PIEZO1: variants seen among roughly 807,000 people sequenced by gnomAD.
PIEZO1 encodes the protein piezo-type mechanosensitive ion channel component 1.
In PIEZO1, 296 loss-of-function variants were observed where a neutral mutation model predicts 297.2. The observed-to-expected ratio is 1.00, with a 90% CI of 0.91 to 1.10. The LOEUF (loss-of-function observed/expected upper bound fraction) is 1.10, where lower values mean the gene tolerates loss of function less well. Among genes scored for constraint, PIEZO1 ranks in the 50% least tolerant of loss-of-function variants. The pLI, the probability that PIEZO1 is intolerant of heterozygous loss-of-function variation, is 0.00. For missense variants in PIEZO1, 5,018 were observed against 3,455.5 expected (o/e 1.45, Z -11.34); for synonymous variants, 2,427 against 1,507.5 (o/e 1.61, Z -14.13).
intron 19 of PIEZO1, chr16:88,733,062 C>G (rs1423884705): frequency 1.7e-5 from 10 of 592,568 alleles, no homozygotes; most frequent in Non-Finnish European, 3.0e-5. Flanking sequence ...GGACTCCGCC[C>G]CTACTGGACA....
At chr16:88,762,126 G>A (rs910853676) in intron 1 of PIEZO1, among the ~76,000 whole-genome samples, 4 of 152,184 alleles carry the variant, frequency 2.6e-5, no homozygotes, top group Admixed American at 1.3e-4. Flanking sequence ...TGACGGAGCC[G>A]ACCCTATGCC....
intron 1 of PIEZO1, among the ~76,000 whole-genome samples, chr16:88,780,070 G>T (rs747318553): frequency 6.6e-6 from 1 of 152,128 alleles, no homozygotes; most frequent in Non-Finnish European, 1.5e-5. Flanking sequence ...TTCAGAGCAA[G>T]ATAGGGTCGG....
Position 88,719,571 on chromosome 16 carries a change from C to T in PIEZO1, c.6471+3G>A, listed in dbSNP as rs771317251. On this transcript the variant is annotated splice_donor_region_variant and intron_variant, in intron 44 of 50. Transcript: ENST00000301015. ...TCCCGGCCCCCGCCCTGGGCCCAGG[C>T]ACCTTCTCTGTCTCTCGGCTGCATT... is the stretch of plus-strand genomic sequence containing the variant. 129 of 1,550,290 alleles carry T rather than the reference C, an allele frequency of 8.3e-5. No homozygotes were observed. Among genetic ancestry groups the T allele is most frequent in the Middle Eastern group, 3.3e-4 (2 of 6,010 alleles).
intron 1 of PIEZO1, among the ~76,000 whole-genome samples, chr16:88,752,252 G>A (rs545642668): frequency 1.3e-5 from 2 of 152,304 alleles, no homozygotes; most frequent in African/African-American, 4.8e-5. Flanking sequence ...GGAGGCCAAG[G>A]CAGGCGGATC....
Position 88,725,021 on chromosome 16 carries a change from C to T in PIEZO1, c.4222G>A (p.Asp1408Asn). 1.3e-6 allele frequency: 2 copies of T among 1,489,534 alleles called. No homozygotes were observed. The highest frequency in any genetic ancestry group is 2.6e-5 in the Admixed American group (1 of 38,970). The allele number at this position is 1,489,534 out of a possible 1,614,324, so 92.3% of individuals were successfully genotyped here. A position where few individuals can be genotyped will look rare whatever the true frequency, so the allele number is the denominator to read the frequency against. The change falls in exon 30 of 51, where the codon GAC becomes AAC. Residue 1408 changes from aspartate (D) to asparagine (N), a missense_variant. Physicochemically the swap from Asp to Asn is conservative, Grantham distance 23. Coordinates refer to ENST00000301015, the MANE Select transcript of PIEZO1 (RefSeq NM_001142864.4). ...PRRQWWRPWL[D>N]HATVIHSGDY... ...TAATTGGGGGTACCTGTGGCGTGGT[C>T]CAGCCAGGGCCGCCACCACTGCCTC... is the stretch of plus-strand genomic sequence containing the variant.
rs951989669 is a variant in PIEZO1 at position 88,723,117 on chromosome 16, C to T, written c.4473G>A (p.Glu1491=). ...GGPSQEVEPA[E]GPEEAAAGRS... is the part of the protein sequence containing the mutation. ...TACCTGCCGCTGCCTCCTCGGGGCC[C>T]TCTGCTGGCTCCACCTCCTGGCTGG... Residue 1491 remains glutamate (E), a synonymous_variant, in exon 33 of 51, where the codon GAG becomes GAA. Transcript: ENST00000301015. 2 of 1,548,660 alleles carry T rather than the reference C, an allele frequency of 1.3e-6. No homozygotes were observed. The highest frequency in any genetic ancestry group is 1.7e-6 in the Non-Finnish European group (2 of 1,146,812).
rs1387166633 is a variant in PIEZO1, at chr16:88,738,459, C to T, written c.635-19G>A. On this transcript the variant is annotated intron_variant, in intron 6 of 50. Coordinates refer to ENST00000301015, the MANE Select transcript of PIEZO1 (RefSeq NM_001142864.4). ...GCGATGCCTGCGGGGCAGGGGCACA[C>T]AGGGTGGTACCTGGCCAGTGCCATG... 2.0e-6 allele frequency: 3 copies of T among 1,534,252 alleles called. No homozygotes were observed. Among genetic ancestry groups the T allele is most frequent in the Admixed American group, 2.0e-5 (1 of 50,972 alleles).
chr16:88,723,407 G>T, intron 31 of PIEZO1, 79 bp from the exon 32 acceptor site: 1 of 1,488,820 alleles, frequency 6.7e-7, no homozygotes, highest in East Asian at 2.5e-5. Context: ...GGGCAAGCCG[G>T]GCGCCAGATC....
chr16:88,769,240 G>A (rs925880019), intron 1 of PIEZO1, among the ~76,000 whole-genome samples: 1 of 152,064 alleles, frequency 6.6e-6, no homozygotes, highest in Non-Finnish European at 1.5e-5. Context: ...AAATAATGAC[G>A]GGGGTCTCAC....
intron 1 of PIEZO1, among the ~76,000 whole-genome samples, chr16:88,757,327 T>TGGGGGGGGGGGGGGGGGGGGGGGGGGGGG (rs200851830): frequency 7.0e-5 from 3 of 42,698 alleles, no homozygotes; most frequent in Non-Finnish European, 1.0e-4. Flanking sequence ...GGCGGGGGGG[T>TGGGGGGGGGGGGGGGGGGGGGGGGGGGGG]GGGGGGTAGT....
chr16:88,735,532 C>T (rs935761428), intron 12 of PIEZO1, among the ~76,000 whole-genome samples: 4 of 152,282 alleles, frequency 2.6e-5, no homozygotes, highest in Admixed American at 1.3e-4. Flanking sequence ...GATCCATGCA[C>T]GCACCTGCAC....
Position 88,741,592 on chromosome 16 carries a change from G to A in PIEZO1, c.351C>T (p.Asn117=), listed in dbSNP as rs757593385. 27 of 1,535,412 alleles carry A rather than the reference G, an allele frequency of 1.8e-5. No individual in the cohort carries two copies. Among genetic ancestry groups the A allele is most frequent in the Middle Eastern group, 1.7e-4 (1 of 6,006 alleles). The change falls in exon 5 of 51, where the codon AAC becomes AAT. Residue 117 remains asparagine, a synonymous_variant. Coordinates refer to ENST00000301015, the MANE Select transcript of PIEZO1 (RefSeq NM_001142864.4). ...GGTCAGGGGCCACCAGCCGGATGGC[G>A]TTGGGGATGTCCTTCAGGTCCAGCC... The part of the protein sequence containing the change: ...VTRLDLKDIP[N]AIRLVAPDLG...
intron 1 of PIEZO1, among the ~76,000 whole-genome samples, chr16:88,762,966 A>T (rs1906998616): frequency 6.6e-6 from 1 of 152,176 alleles, no homozygotes; most frequent in African/African-American, 2.4e-5. Context: ...CAGGACTAGG[A>T]ATTGGCAGCT....
chr16:88,736,835 G>A, intron 10 of PIEZO1, 96 bp from the exon 11 acceptor site: 1 of 746,722 alleles, frequency 1.3e-6, no homozygotes, highest in South Asian at 1.9e-5. Context: ...CAAGCACACA[G>A]CAGGAGAGAC....
intron 21 of PIEZO1, 69 bp downstream of exon 21, chr16:88,732,266 A>C (rs1419679041): frequency 7.3e-7 from 1 of 1,371,636 alleles, no homozygotes; most frequent in Non-Finnish European, 1.0e-6. Context: ...CGGTGCCTGC[A>C]CGGTGCAGCC....
rs1370904042 is a variant in PIEZO1 at position 88,741,458 on chromosome 16, G to A, written c.465+20C>T. ...TCTCGAATGACCTCCCTGACACACGGGTGACGCAGCTGCCCTCACCAGCTC... is the reference window on the plus strand; with the variant it reads ...TCTCGAATGACCTCCCTGACACACGAGTGACGCAGCTGCCCTCACCAGCTC... On this transcript the variant is annotated intron_variant, in intron 5 of 50. Transcript: ENST00000301015. The A allele has an allele frequency of 3.3e-6, 5 of 1,526,546 alleles. No individual in the cohort carries two copies. The highest frequency in any genetic ancestry group is 4.4e-6 in the Non-Finnish European group (5 of 1,141,430). 94.6% of individuals were successfully genotyped at this position (1,526,546 alleles called of 1,614,324 possible). A position where few individuals can be genotyped will look rare whatever the true frequency, so the allele number is the denominator to read the frequency against.
At chr16:88,748,638 T>C (rs1906197825) in intron 2 of PIEZO1, among the ~76,000 whole-genome samples, 1 of 152,072 alleles carries the variant, frequency 6.6e-6, no homozygotes, top group African/African-American at 2.4e-5. Context: ...GAGTGGGCAG[T>C]TGGGGCCCAT....
intron 10 of PIEZO1, 153 bp downstream of exon 10, chr16:88,737,406 G>A (rs1353750471): frequency 6.7e-6 from 4 of 594,848 alleles, no homozygotes; most frequent in African/African-American, 3.9e-5. Flanking sequence ...GGGGGTCACT[G>A]ACACCGACCC....
In PIEZO1 at chr16:88,737,566, C is replaced by T. The variant is rs920394277; in HGVS notation, c.1188G>A (p.Arg396=). The T allele has an allele frequency of 1.0e-5, 16 of 1,532,912 alleles. No homozygotes were observed. The highest frequency in any genetic ancestry group is 6.0e-5 in the South Asian group (5 of 83,978). The allele number at this position is 1,532,912 out of a possible 1,614,324, so 95.0% of individuals were successfully genotyped here. A position where few individuals can be genotyped will look rare whatever the true frequency, so the allele number is the denominator to read the frequency against. Residue 396 remains arginine, a synonymous_variant, in exon 10 of 51, where the codon CGG becomes CGA. Transcript: ENST00000301015. ...GCAGTGTGCGGTACTCACCAGGCCG[C>T]CGCAGGACGGAGCTCTGGCCGGTCA... The part of the protein sequence containing the change: ...HELTGQSSVL[R]RPVRPKRAEP...
Sources: gnomAD v4.1 joint callset for allele counts (sites outside exome capture counted in the v4.1 genomes callset) on GRCh38, gnomAD v4.1.1 for gene constraint, MANE v1.5 for transcripts, NCBI Gene and HGNC (gene_info 2026-07-23, HGNC 2026-07-21) for gene names.